The following SESTD1 variants were observed in gnomAD, a reference collection of about 807,000 sequenced individuals.
SESTD1 encodes SEC14 domain and spectrin repeat-containing protein 1.
In SESTD1, 43 loss-of-function variants were observed where a neutral mutation model predicts 101.7. That is an observed-to-expected ratio of 0.42 (90% CI 0.33 to 0.55). The LOEUF is 0.55. SESTD1 is among the 20% of genes least tolerant of loss of function. The probability of loss-of-function intolerance (pLI) is 0.07; values close to 1 mark genes in which losing one functional copy is unlikely to be tolerated. For missense variants in SESTD1, 647 were observed against 815.1 expected, an observed-to-expected ratio of 0.79 and a Z score of 2.51; for synonymous variants, 283 against 286.8, an observed-to-expected ratio of 0.99 and a Z score of 0.13.
At chr2:179,181,229 T>G (rs1264459023) in intron 3 of SESTD1, among the ~76,000 whole-genome samples, 1 of 152,164 alleles carries the variant, frequency 6.6e-6, no homozygotes, top group Non-Finnish European at 1.5e-5. Flanking sequence ...CCCAGAGATG[T>G]GAATGAATCT....
chr2:179,106,324 A>G lies in SESTD1; in HGVS notation c.*3575T>C, dbSNP rs1422454930. ...TTTTTAGTAGCAACAGTATTTTACT[A>G]CGGCCTTGTGTACTTTGGGTAGGAT... On this transcript the variant is annotated 3_prime_UTR_variant, in exon 18 of 18. Transcript: ENST00000428443. The G allele has an allele frequency of 6.6e-6, 1 of 152,184 alleles. No individual in the cohort carries two copies. Among genetic ancestry groups the G allele is most frequent in the African/African-American group, 2.4e-5 (1 of 41,438 alleles). The allele number at this position is 152,184 out of a possible 1,614,324, so 9.4% of individuals were successfully genotyped here.
At chr2:179,130,106 T>C (rs1413906989) in intron 10 of SESTD1, among the ~76,000 whole-genome samples, 1 of 152,162 alleles carries the variant, frequency 6.6e-6, no homozygotes, top group Non-Finnish European at 1.5e-5. Context: ...AATGTATATG[T>C]ACATTCCTAA....
chr2:179,184,754 TCCACCC>T (rs968593864), intron 2 of SESTD1, among the ~76,000 whole-genome samples: 7 of 152,156 alleles, frequency 4.6e-5, no homozygotes, highest in African/African-American at 1.7e-4. Flanking sequence ...CTAAGCTTTA[TCCACCC>T]ATTAAGCCAA....
chr2:179,208,876 C>A (rs1480010032), intron 1 of SESTD1, among the ~76,000 whole-genome samples: 7 of 134,610 alleles, frequency 5.2e-5, no homozygotes, highest in Admixed American at 5.1e-4. Flanking sequence ...CACATCTCAA[C>A]ACTAATGTTG....
chr2:179,169,729 C>T (rs1359735725), intron 5 of SESTD1, among the ~76,000 whole-genome samples: 1 of 152,054 alleles, frequency 6.6e-6, no homozygotes, highest in East Asian at 1.9e-4. Context: ...TGCCTGTAAT[C>T]CCAGCACTTT....
intron 1 of SESTD1, among the ~76,000 whole-genome samples, chr2:179,230,132 T>C (rs1325018785): frequency 4.5e-5 from 5 of 109,994 alleles, no homozygotes; most frequent in African/African-American, 1.4e-4. Flanking sequence ...TTTTTTTTTT[T>C]TTTTTTTTTT....
intron 5 of SESTD1, among the ~76,000 whole-genome samples, chr2:179,166,034 C>G (rs1185727774): frequency 6.6e-6 from 1 of 152,174 alleles, no homozygotes; most frequent in African/African-American, 2.4e-5. Flanking sequence ...GAAGATGGAA[C>G]TGGAGTACTT....
intron 10 of SESTD1, among the ~76,000 whole-genome samples, chr2:179,131,443 G>A (rs2045011705): frequency 6.6e-6 from 1 of 152,054 alleles, no homozygotes; most frequent in Non-Finnish European, 1.5e-5. Context: ...ATGTTCCGAC[G>A]GTACTTAATG....
chr2:179,229,317 C>T (rs1467978281), intron 1 of SESTD1, among the ~76,000 whole-genome samples: 2 of 152,002 alleles, frequency 1.3e-5, no homozygotes, highest in African/African-American at 2.4e-5. Context: ...GGAAAAAGGC[C>T]GAATTCTCTC....
chr2:179,226,293 G>C (rs1320078523), intron 1 of SESTD1, among the ~76,000 whole-genome samples: 1 of 152,140 alleles, frequency 6.6e-6, no homozygotes, highest in Non-Finnish European at 1.5e-5. Flanking sequence ...AGACTGCTGA[G>C]AAGACAGGAG....
At chr2:179,208,346 G>A (rs541102975) in intron 1 of SESTD1, among the ~76,000 whole-genome samples, 1 of 135,076 alleles carries the variant, frequency 7.4e-6, no homozygotes, top group Admixed American at 7.2e-5. Flanking sequence ...TAGAGACCTA[G>A]ACATCCACTT....
chr2:179,117,640 TC>T (rs2044662909), intron 13 of SESTD1, 27 bp from the exon 14 acceptor site: 1 of 1,527,260 alleles, frequency 6.5e-7, no homozygotes, highest in African/African-American at 1.4e-5. Flanking sequence ...TAAATTTAAC[TC>T]ATCATTTCTG....
At chr2:179,185,782 A>ATGG (rs1223163424) in intron 2 of SESTD1, among the ~76,000 whole-genome samples, 10 of 128,066 alleles carry the variant, frequency 7.8e-5, no homozygotes, top group African/African-American at 3.1e-4. Context: ...CATATACAAT[A>ATGG]TAGTATACAA....
In SESTD1 at chr2:179,102,367, T is replaced by A. The variant is rs2044290517; in HGVS notation, c.*7532A>T. The A allele has an allele frequency of 6.6e-6, 1 of 152,086 alleles. No homozygotes were observed. The highest frequency in any genetic ancestry group is 2.4e-5 in the African/African-American group (1 of 41,382). The allele number at this position is 152,086 out of a possible 1,614,324, so 9.4% of individuals were successfully genotyped here. On this transcript the variant is annotated 3_prime_UTR_variant, in exon 18 of 18. Transcript: ENST00000428443. ...TTTACAAAAAATAACTCAAATTGAT[T>A]CAAAGATGCAGAATTCATCAGATTA... is the stretch of plus-strand genomic sequence containing the variant.
chr2:179,216,685 C>T (rs914274842), intron 1 of SESTD1, among the ~76,000 whole-genome samples: 1 of 134,716 alleles, frequency 7.4e-6, no homozygotes, highest in African/African-American at 2.9e-5. Context: ...GACAATCCTA[C>T]GCAAAAAGAA....
intron 2 of SESTD1, among the ~76,000 whole-genome samples, chr2:179,189,671 C>G (rs771909508): frequency 1.2e-4 from 18 of 152,036 alleles, no homozygotes; most frequent in Non-Finnish European, 2.4e-4. Context: ...CCTAGACAAC[C>G]CTAAAGCCTC....
intron 3 of SESTD1, 54 bp downstream of exon 3, chr2:179,183,026 T>C (rs977154816): frequency 1.1e-5 from 13 of 1,189,032 alleles, no homozygotes; most frequent in Non-Finnish European, 1.3e-5. Flanking sequence ...AAAGAATCAT[T>C]AGTAACTGAA....
intron 5 of SESTD1, among the ~76,000 whole-genome samples, chr2:179,161,075 C>CTTT (rs56092247): frequency 1.5e-5 from 2 of 134,224 alleles, no homozygotes; most frequent in Non-Finnish European, 3.2e-5. Flanking sequence ...CCATACCTAG[C>CTTT]TTTTTTTTTT....
At chr2:179,236,753 T>TG in intron 1 of SESTD1, among the ~76,000 whole-genome samples, 1 of 148,884 alleles carries the variant, frequency 6.7e-6, no homozygotes, top group Non-Finnish European at 1.5e-5. Flanking sequence ...GATGTAGTTT[T>TG]TTTTTTTTTT....
Sources: gnomAD v4.1 joint callset for allele counts (sites outside exome capture counted in the v4.1 genomes callset) on GRCh38, gnomAD v4.1.1 for gene constraint, MANE v1.5 for transcripts, NCBI Gene and HGNC (gene_info 2026-07-23, HGNC 2026-07-21) for gene names.